The following DHRS3 variants were observed in gnomAD, a reference collection of about 807,000 sequenced individuals.
The protein encoded by DHRS3 is short-chain dehydrogenase/reductase 3.
A neutral mutation model predicts 27.2 loss-of-function variants in DHRS3; 14 were observed. The ratio of observed to expected loss-of-function variants is 0.52; its 90% CI spans 0.34 to 0.81. DHRS3 has a LOEUF of 0.81. DHRS3 is among the 30% of genes least tolerant of loss of function. The pLI, the probability that DHRS3 is intolerant of heterozygous loss-of-function variation, is 0.01. For missense variants in DHRS3, 322 were observed against 406.2 expected (o/e 0.79, Z 1.78); for synonymous variants, 165 against 175.9 (o/e 0.94, Z 0.49).
intron 1 of DHRS3, among the ~76,000 whole-genome samples, chr1:12,590,236 G>A (rs1646734063): frequency 6.6e-6 from 1 of 152,140 alleles, no homozygotes; most frequent in African/African-American, 2.4e-5. Flanking sequence ...TGGGGAGCAA[G>A]CAGATATCAT....
intron 1 of DHRS3, among the ~76,000 whole-genome samples, chr1:12,595,203 T>C (rs1044373964): frequency 4.6e-5 from 7 of 152,050 alleles, no homozygotes; most frequent in Non-Finnish European, 1.0e-4. Context: ...GTGAGCCCAG[T>C]TTCCAATAAC....
At chr1:12,615,514 G>A (rs1389429801) in intron 1 of DHRS3, among the ~76,000 whole-genome samples, 2 of 152,074 alleles carry the variant, frequency 1.3e-5, no homozygotes, top group South Asian at 2.1e-4. Context: ...ATTTAGGATT[G>A]TTTATAGTCA....
At chr1:12,616,834 A>AGG (rs70987261) in intron 1 of DHRS3, 2 of 432,060 alleles carry the variant, frequency 4.6e-6, no homozygotes, top group Non-Finnish European at 3.6e-6. Flanking sequence ...AAGGCGGGGG[A>AGG]GGGGGGCACA....
At chr1:12,587,661 C>G (rs1337333932) in intron 1 of DHRS3, among the ~76,000 whole-genome samples, 1 of 151,952 alleles carries the variant, frequency 6.6e-6, no homozygotes, top group African/African-American at 2.4e-5. Flanking sequence ...GAGCCAAGAT[C>G]TCACCACTGC....
At chr1:12,607,079 G>C (rs1646876944) in intron 1 of DHRS3, among the ~76,000 whole-genome samples, 1 of 152,178 alleles carries the variant, frequency 6.6e-6, no homozygotes, top group Admixed American at 6.5e-5. Flanking sequence ...TTTTGAGAAA[G>C]TTAGCCAAAA....
chr1:12,573,665 CATTGATTCAAAG>C (rs1180144262), intron 4 of DHRS3, among the ~76,000 whole-genome samples: 1 of 152,216 alleles, frequency 6.6e-6, no homozygotes, highest in East Asian at 1.9e-4. Flanking sequence ...CTCACTGATT[CATTGATTCAAAG>C]ATTTGCACAG....
chr1:12,606,401 T>C (rs1421339237), intron 1 of DHRS3, among the ~76,000 whole-genome samples: 2 of 151,686 alleles, frequency 1.3e-5, no homozygotes, highest in African/African-American at 2.4e-5. Context: ...TGAACAAACT[T>C]TCCACTTGAT....
At chr1:12,612,949 A>T (rs1461739915) in intron 1 of DHRS3, among the ~76,000 whole-genome samples, 1 of 151,952 alleles carries the variant, frequency 6.6e-6, no homozygotes, top group Non-Finnish European at 1.5e-5. Context: ...AATCCCAGCT[A>T]CTCGGAAGGC....
intron 5 of DHRS3, among the ~76,000 whole-genome samples, chr1:12,570,406 T>A (rs1365505821): frequency 6.6e-6 from 1 of 152,172 alleles, no homozygotes; most frequent in African/African-American, 2.4e-5. Flanking sequence ...GTTTGGTGAC[T>A]CAAACTGAAG....
At chr1:12,583,365 A>C (rs1192464802) in intron 1 of DHRS3, among the ~76,000 whole-genome samples, 17 of 92,302 alleles carry the variant, frequency 1.8e-4, no homozygotes, top group Admixed American at 2.2e-4. Context: ...CCACCCATCC[A>C]TTCCTCACCC....
chr1:12,579,013 C>T (rs760411405), intron 3 of DHRS3, 57 bp from the exon 4 acceptor site: 1 of 1,509,034 alleles, frequency 6.6e-7, no homozygotes, highest in Non-Finnish European at 9.1e-7. Context: ...ACCCCTCCAC[C>T]TTTCTTTCGG....
chr1:12,575,416 C>T (rs1390808804), intron 4 of DHRS3, among the ~76,000 whole-genome samples: 1 of 152,070 alleles, frequency 6.6e-6, no homozygotes, highest in Non-Finnish European at 1.5e-5. Context: ...GAAACTCACT[C>T]ATTTTGTCCT....
rs183977166 is a variant in DHRS3 at position 12,606,737 on chromosome 1, C to T, written c.195+10417G>A. On this transcript the variant is annotated intron_variant, in intron 1 of 5. Coordinates refer to ENST00000616661, the MANE Select transcript of DHRS3 (RefSeq NM_004753.7). The stretch of plus-strand genomic sequence containing the variant: ...GTCTTGAACTCCCGACCAGGTGATC[C>T]GCCCGCCTCAGCCTCCCAAAGTGCT... Among the ~76,000 whole-genome samples the T allele has an allele frequency of 1.3e-3, 191 of 152,060 alleles. 2 individuals are homozygous for T. Among genetic ancestry groups the T allele is most frequent in the Middle Eastern group, 6.8e-3 (2 of 294 alleles).
At chr1:12,614,216 T>G (rs1454805865) in intron 1 of DHRS3, among the ~76,000 whole-genome samples, 1 of 152,178 alleles carries the variant, frequency 6.6e-6, no homozygotes, top group East Asian at 1.9e-4. Context: ...TACTTCTAAA[T>G]GAACGGTCCA....
chr1:12,584,804 G>A (rs59345760), intron 1 of DHRS3, among the ~76,000 whole-genome samples: 10,885 of 152,238 alleles, frequency 0.071, 604 homozygotes, highest in African/African-American at 0.15. Context: ...GCTGCTGTGC[G>A]CATGCCCTGC....
chr1:12,610,806 C>A (rs1185681494), intron 1 of DHRS3, among the ~76,000 whole-genome samples: 1 of 152,140 alleles, frequency 6.6e-6, no homozygotes, highest in African/African-American at 2.4e-5. Context: ...ATCTTATGGA[C>A]TTATATTTTT....
chr1:12,595,316 G>C (rs928471324), intron 1 of DHRS3, among the ~76,000 whole-genome samples: 1 of 152,114 alleles, frequency 6.6e-6, no homozygotes, highest in Non-Finnish European at 1.5e-5. Context: ...TGGCGTGAGG[G>C]GGTGGCAGGA....
intron 1 of DHRS3, among the ~76,000 whole-genome samples, chr1:12,584,072 C>G (rs537669601): frequency 2.9e-4 from 44 of 152,218 alleles, no homozygotes; most frequent in African/African-American, 9.4e-4. Flanking sequence ...CTACCTCTGG[C>G]TCCTATGTGT....
At position 12,613,734 on chromosome 1, in the gene DHRS3, C is replaced by CA. The variant is rs537283835; in HGVS notation, c.195+3419dup. The stretch of plus-strand genomic sequence containing the variant: ...ACTACCTTCCTGAAATACCTCCCCT[C>CA]AGACTACCTCTCGGAAGTGGGAATT... On this transcript the variant is annotated intron_variant, in intron 1 of 5. Transcript: ENST00000616661. Among the ~76,000 whole-genome samples, 14 of 152,290 alleles carry CA rather than the reference C, an allele frequency of 9.2e-5. No homozygotes were observed. In the East Asian group the frequency reaches 2.5e-3, roughly 27 times the overall value.
Sources: allele counts gnomAD v4.1 joint callset (sites outside exome capture counted in the v4.1 genomes callset), GRCh38; gene constraint gnomAD v4.1.1; transcripts MANE v1.5; gene names NCBI Gene and HGNC (gene_info 2026-07-23, HGNC 2026-07-21).